ADAMTS5: variants seen among roughly 807,000 people sequenced by gnomAD.
The protein encoded by ADAMTS5 is A disintegrin and metalloproteinase with thrombospondin motifs 5.
ADAMTS5 carries 54 observed loss-of-function variants against 81.4 expected under a neutral mutation model. That is an observed-to-expected ratio of 0.66 (90% CI 0.53 to 0.83). ADAMTS5 has a LOEUF of 0.83. Ranked by LOEUF, ADAMTS5 falls within the 40% of genes least tolerant of loss-of-function variation. The pLI, the probability that ADAMTS5 is intolerant of heterozygous loss-of-function variation, is 0.00. For missense variants in ADAMTS5, 1,194 were observed against 1,229.9 expected (o/e 0.97, Z 0.44); for synonymous variants, 532 against 508.8 (o/e 1.05, Z -0.61).
In ADAMTS5 at chr21:26,934,749, C is replaced by T. The variant is rs182287235; in HGVS notation, c.1406G>A (p.Gly469Asp). Reference sequence around the variant, plus strand: ...TCGTGGTAGGTCCAGCAAACAGTTACCTACAAGAATAACTGAGATTGACCA... The same window carrying T: ...TCGTGGTAGGTCCAGCAAACAGTTATCTACAAGAATAACTGAGATTGACCA... Reference protein sequence around the residue: ...TITEFLDDGHGNCLLDLPRKQ... With the variant: ...TITEFLDDGHDNCLLDLPRKQ... The change falls in exon 4 of 8, where the codon GGT (glycine) becomes GAT (aspartate). Residue 469 changes from glycine (G) to aspartate (D), a missense_variant and splice_region_variant. Around this residue, in one of 2 missense-constraint regions of ADAMTS5, gnomAD observed 696 missense variants for 817.6 expected, o/e 0.85. Coordinates refer to ENST00000284987, the MANE Select transcript of ADAMTS5 (RefSeq NM_007038.5). 3 of 1,613,342 alleles carry T rather than the reference C, an allele frequency of 1.9e-6. No homozygotes were observed. Among genetic ancestry groups the T allele is most frequent in the East Asian group, 2.2e-5 (1 of 44,832 alleles).
At chr21:26,938,576 C>G (rs932332623) in intron 3 of ADAMTS5, among the ~76,000 whole-genome samples, 3 of 152,208 alleles carry the variant, frequency 2.0e-5, no homozygotes, top group African/African-American at 7.2e-5. Context: ...GTTGTCCAGG[C>G]TGGAGTGCAG....
rs574515461 is a variant in ADAMTS5 at position 26,934,490 on chromosome 21, G to T, written c.1665C>A (p.Asp555Glu). The T allele has an allele frequency of 2.2e-5, 35 of 1,614,110 alleles. No homozygotes were observed. The South Asian group carries it at 3.4e-4, about 16-fold the overall frequency. ...CTGAATAATATTTTTTCTTGGTTTT[G>T]TCCACACATTTGCCCTGCAGGCAGA... is the stretch of plus-strand genomic sequence containing the variant. ...GRICLQGKCV[D>E]KTKKKYYSTS... Residue 555 changes from aspartate (D) to glutamate (E), a missense_variant, in exon 4 of 8, where the codon GAC (aspartate) becomes GAA (glutamate). Physicochemically the swap from Asp to Glu is conservative, Grantham distance 45 (BLOSUM62 2). Coordinates refer to ENST00000284987, the MANE Select transcript of ADAMTS5 (RefSeq NM_007038.5).
chr21:26,934,744 A>G lies in ADAMTS5; in HGVS notation c.1411T>C (p.Cys471Arg), dbSNP rs770990066. Residue 471 changes from cysteine to arginine, a missense_variant, in exon 4 of 8, where the codon TGT becomes CGT. Cys to Arg is a radical substitution (Grantham distance 180). Transcript: ENST00000284987. ...TEFLDDGHGN[C>R]LLDLPRKQIL... ...TGCTTTCGTGGTAGGTCCAGCAAACAGTTACCTACAAGAATAACTGAGATT... is the reference window on the plus strand; with the variant it reads ...TGCTTTCGTGGTAGGTCCAGCAAACGGTTACCTACAAGAATAACTGAGATT... 1.2e-6 allele frequency: 2 copies of G among 1,613,578 alleles called. No homozygotes were observed. The highest frequency in any genetic ancestry group is 1.7e-6 in the Non-Finnish European group (2 of 1,179,656).
chr21:26,927,605 G>C (rs1986828041), intron 7 of ADAMTS5, among the ~76,000 whole-genome samples: 1 of 152,176 alleles, frequency 6.6e-6, no homozygotes, highest in African/African-American at 2.4e-5. Context: ...GAAGGGGCCA[G>C]ATCTTTTAGC....
At chr21:26,931,233 G>C (rs932352186) in intron 6 of ADAMTS5, among the ~76,000 whole-genome samples, 2 of 152,100 alleles carry the variant, frequency 1.3e-5, no homozygotes, top group Non-Finnish European at 2.9e-5. Flanking sequence ...TTTTAGTAGA[G>C]ACAGGGTTTC....
In ADAMTS5 at chr21:26,966,578, C is replaced by T. The variant is rs1456058914; in HGVS notation, c.-187G>A. ...CCGGGCTGCGGTGCCAGCGTGCGAA[C>T]TTTTCTTTGTTGCTTGGGAAAATGT... On this transcript the variant is annotated 5_prime_UTR_variant, in exon 1 of 8. Coordinates refer to ENST00000284987, the MANE Select transcript of ADAMTS5 (RefSeq NM_007038.5). The T allele has an allele frequency of 3.3e-6, 1 of 301,068 alleles. No individual in the cohort carries two copies. Among genetic ancestry groups the T allele is most frequent in the East Asian group, 5.8e-5 (1 of 17,328 alleles). The allele number at this position is 301,068 out of a possible 1,614,324, so 18.6% of individuals were successfully genotyped here.
Position 26,922,728 on chromosome 21 carries a change from T to A in ADAMTS5, c.*1325A>T, listed in dbSNP as rs1314793445. The A allele has an allele frequency of 6.6e-6, 1 of 152,542 alleles. No individual in the cohort carries two copies. The highest frequency in any genetic ancestry group is 1.5e-5 in the Non-Finnish European group (1 of 67,982). The allele number at this position is 152,542 out of a possible 1,614,324, so 9.4% of individuals were successfully genotyped here. A position where few individuals can be genotyped will look rare whatever the true frequency, so the allele number is the denominator to read the frequency against. On this transcript the variant is annotated 3_prime_UTR_variant, in exon 8 of 8. Transcript: ENST00000284987. ...ACAACTTTCTGAAAATCATCACATG[T>A]CATCACTCAAACACTTACGGGTACA...
chr21:26,954,854 A>G lies in ADAMTS5; in HGVS notation c.1122T>C (p.His374=). ...LFTREDLCGH[H]SCDTLGMADV... ...CTGCCATTCCCAGGGTGTCACATGA[A>G]TGATGCCCACATAAATCCTGCCCAG... Residue 374 remains histidine, a synonymous_variant, in exon 2 of 8, where the codon CAT becomes CAC. Transcript: ENST00000284987. 6.2e-7 allele frequency: 1 copy of G among 1,614,106 alleles called. No individual in the cohort carries two copies. Among genetic ancestry groups the G allele is most frequent in the Non-Finnish European group, 8.5e-7 (1 of 1,179,986 alleles).
In ADAMTS5 at chr21:26,922,808, T is replaced by G. The variant is rs1169989660; in HGVS notation, c.*1245A>C. 6.6e-6 allele frequency: 1 copy of G among 152,578 alleles called. No individual in the cohort carries two copies. Among genetic ancestry groups the G allele is most frequent in the Non-Finnish European group, 1.5e-5 (1 of 67,996 alleles). 9.5% of individuals were successfully genotyped at this position (152,578 alleles called of 1,614,324 possible). On this transcript the variant is annotated 3_prime_UTR_variant, in exon 8 of 8. Transcript: ENST00000284987. ...TTAGTACAATAGGAATATACTTAGA[T>G]TTTTTAAATTAAGAAATTATTGCCT...
chr21:26,960,971 G>A (rs1364607779), intron 1 of ADAMTS5, among the ~76,000 whole-genome samples: 4 of 152,162 alleles, frequency 2.6e-5, no homozygotes, highest in Non-Finnish European at 4.4e-5. Context: ...TCTACTGTAA[G>A]AGCCATCATG....
chr21:26,951,055 C>A (rs1987307224), intron 2 of ADAMTS5, among the ~76,000 whole-genome samples: 2 of 152,062 alleles, frequency 1.3e-5, no homozygotes, highest in South Asian at 4.1e-4. Context: ...GAGACAGGGT[C>A]TCCCTATGTT....
rs75701406 is a variant in ADAMTS5 at position 26,943,442 on chromosome 21, G to A, written c.1343C>T (p.Ala448Val). ...LMSSILTSID[A>V]SKPWSKCTSA... ...AGTGCATTTGGACCAGGGCTTAGATGCATCAATGCTGGTAAGGATGGAAGA... is the reference window on the plus strand; with the variant it reads ...AGTGCATTTGGACCAGGGCTTAGATACATCAATGCTGGTAAGGATGGAAGA... The change falls in exon 3 of 8, where the codon GCA becomes GTA. Residue 448 changes from alanine to valine, a missense_variant. Physicochemically the swap from Ala to Val is moderately conservative, Grantham distance 64. This residue lies in a region of ADAMTS5 where 696 missense variants were observed against 817.6 expected (regional missense o/e 0.85). Transcript: ENST00000284987. The A allele has an allele frequency of 2.1e-3, 3,458 of 1,613,676 alleles. 67 individuals carry two copies. The African/African-American group carries it at 0.04, about 19-fold the overall frequency.
chr21:26,950,276 A>C (rs1987292717), intron 2 of ADAMTS5, among the ~76,000 whole-genome samples: 1 of 152,230 alleles, frequency 6.6e-6, no homozygotes, highest in Non-Finnish European at 1.5e-5. Context: ...CTGGCCCAAC[A>C]TCAATAAAAT....
chr21:26,965,921 C>T lies in ADAMTS5; in HGVS notation c.471G>A (p.Ala157=), dbSNP rs768285645. The change falls in exon 1 of 8, where the codon GCG becomes GCA. Residue 157 remains alanine (A), a synonymous_variant. Coordinates refer to ENST00000284987, the MANE Select transcript of ADAMTS5 (RefSeq NM_007038.5). ...DLCGGLDGFF[A]VKHARYTLKP... ...TTAGGGTGTAGCGCGCGTGCTTGAC[C>T]GCGAAGAAGCCGTCGAGACCCCCAC... 6.2e-6 allele frequency: 10 copies of T among 1,613,734 alleles called. No individual in the cohort carries two copies. Among genetic ancestry groups the T allele is most frequent in the Non-Finnish European group, 7.6e-6 (9 of 1,179,974 alleles).
chr21:26,944,580 A>T (rs1987178445), intron 2 of ADAMTS5, among the ~76,000 whole-genome samples: 1 of 152,198 alleles, frequency 6.6e-6, no homozygotes, highest in Admixed American at 6.5e-5. Context: ...AACTCTAAAA[A>T]GTAGACAGCA....
rs935067582 is a variant in ADAMTS5 at position 26,922,797 on chromosome 21, A to G, written c.*1256T>C. 3 of 152,578 alleles carry G rather than the reference A, an allele frequency of 2.0e-5. No individual in the cohort carries two copies. Among genetic ancestry groups the G allele is most frequent in the African/African-American group, 7.2e-5 (3 of 41,446 alleles). The allele number at this position is 152,578 out of a possible 1,614,324, so 9.5% of individuals were successfully genotyped here. On this transcript the variant is annotated 3_prime_UTR_variant, in exon 8 of 8. Transcript: ENST00000284987. ...GGGAAAAATATTTAGTACAATAGGA[A>G]TATACTTAGATTTTTTAAATTAAGA...
chr21:26,937,099 C>A (rs1987029216), intron 3 of ADAMTS5, among the ~76,000 whole-genome samples: 1 of 152,194 alleles, frequency 6.6e-6, no homozygotes, highest in African/African-American at 2.4e-5. Context: ...GGATCTATCT[C>A]ATTTTTCTGG....
chr21:26,959,421 T>G (rs903315148), intron 1 of ADAMTS5, among the ~76,000 whole-genome samples: 2 of 152,104 alleles, frequency 1.3e-5, no homozygotes, highest in Non-Finnish European at 2.9e-5. Flanking sequence ...GCTCCAAATC[T>G]CAAGTTTGTC....
intron 2 of ADAMTS5, among the ~76,000 whole-genome samples, chr21:26,953,511 C>T (rs1444371651): frequency 6.6e-6 from 1 of 152,128 alleles, no homozygotes; most frequent in East Asian, 1.9e-4. Flanking sequence ...AGTTATTTAA[C>T]TCCCCAAAGA....
Sources: gnomAD v4.1 joint callset for allele counts (sites outside exome capture counted in the v4.1 genomes callset) on GRCh38, gnomAD v4.1.1 for gene constraint, gnomAD v4.1.1 regional missense constraint, MANE v1.5 for transcripts, NCBI Gene and HGNC (gene_info 2026-07-23, HGNC 2026-07-21) for gene names.